Variants in TMTC2 observed in about 807,000 individuals in gnomAD.
TMTC2 encodes protein O-mannosyl-transferase TMTC2.
A neutral mutation model predicts 82.4 loss-of-function variants in TMTC2; 43 were observed. The observed-to-expected ratio is 0.52, with a 90% confidence interval of 0.41 to 0.67. TMTC2 has a LOEUF of 0.67. Ranked by LOEUF, TMTC2 falls within the 30% of genes least tolerant of loss-of-function variation. The probability of loss-of-function intolerance (pLI) is 0.00; values close to 1 mark genes in which losing one functional copy is unlikely to be tolerated. For missense variants in TMTC2, 919 were observed against 1,012.4 expected (o/e 0.91, Z 1.25); for synonymous variants, 408 against 381.9 (o/e 1.07, Z -0.80).
In TMTC2 at chr12:83,076,713, T is replaced by C. The variant is rs560137388; in HGVS notation, c.2331+14882T>C. 6.6e-5 allele frequency among the ~76,000 whole-genome samples: 10 copies of C among 152,358 alleles called. No individual in the cohort carries two copies. In the South Asian group the frequency reaches 2.1e-3, roughly 32 times the overall value. On this transcript the variant is annotated intron_variant, in intron 11 of 11. Transcript: ENST00000321196. ...ATTATTTTACAGGTATTTATGCTTT[T>C]CTAAATATACACTGAAACATTAAAC...
intron 8 of TMTC2, among the ~76,000 whole-genome samples, chr12:83,006,055 C>T (rs925666076): frequency 1.3e-5 from 2 of 152,188 alleles, no homozygotes; most frequent in African/African-American, 4.8e-5. Context: ...CCTACCAGCT[C>T]AACTGTCTGT....
In TMTC2 at chr12:82,801,785, C is replaced by T. The variant is rs559476944; in HGVS notation, c.84-55225C>T. On this transcript the variant is annotated intron_variant, in intron 1 of 11. Transcript: ENST00000321196. ...TAGACATAAAGATCCTCCAAGTCCC[C>T]ACCAGATTAGCTAGATACGGAGTGT... is the stretch of plus-strand genomic sequence containing the variant. Among the ~76,000 whole-genome samples the T allele has an allele frequency of 6.6e-5, 10 of 152,264 alleles. No individual in the cohort carries two copies. In the South Asian group the frequency reaches 2.1e-3, roughly 32 times the overall value.
At chr12:82,797,558 A>T (rs7307968) in intron 1 of TMTC2, among the ~76,000 whole-genome samples, 55,634 of 151,974 alleles carry the variant, frequency 0.37, 10,680 homozygotes, top group Middle Eastern at 0.55. Context: ...CCGTGTATAA[A>T]AAGGTCTAGG....
In TMTC2 at chr12:82,989,753, C is replaced by CT. The variant is rs10715720; in HGVS notation, c.2070+3719dup. Among the ~76,000 whole-genome samples the CT allele has an allele frequency of 1.3e-3, 186 of 141,910 alleles. 1 individual carries two copies. The highest frequency in any genetic ancestry group is 4.5e-3 in the East Asian group (22 of 4,864). 93.1% of individuals were successfully genotyped at this position (141,910 alleles called of 152,430 possible). ...AGGCTGTTTTATTCTTTTCAGGAGGCTTTTTTTTTTTTCAGATTTAGAAGT... is the reference window on the plus strand; with the variant it reads ...AGGCTGTTTTATTCTTTTCAGGAGGCTTTTTTTTTTTTTCAGATTTAGAAGT... On this transcript the variant is annotated intron_variant, in intron 8 of 11. Transcript: ENST00000321196.
At chr12:82,858,463 G>A (rs1392575901) in intron 2 of TMTC2, among the ~76,000 whole-genome samples, 1 of 152,162 alleles carries the variant, frequency 6.6e-6, no homozygotes, top group African/African-American at 2.4e-5. Flanking sequence ...GCAGGCTCCC[G>A]CCTATCTTTT....
At chr12:82,988,617 C>T (rs1182747249) in intron 8 of TMTC2, among the ~76,000 whole-genome samples, 1 of 151,720 alleles carries the variant, frequency 6.6e-6, no homozygotes, top group Non-Finnish European at 1.5e-5. Context: ...AGGGTCTTCC[C>T]ATGGAGTACT....
chr12:82,918,082 T>A (rs1439970748), intron 3 of TMTC2, among the ~76,000 whole-genome samples: 2 of 152,126 alleles, frequency 1.3e-5, no homozygotes, highest in African/African-American at 4.8e-5. Flanking sequence ...CATGTCTGGC[T>A]AAGTTTTGTA....
chr12:82,899,636 A>AAT (rs531889616), intron 3 of TMTC2, among the ~76,000 whole-genome samples: 13 of 131,326 alleles, frequency 9.9e-5, no homozygotes, highest in Admixed American at 1.5e-4. Context: ...ATATATGTGG[A>AAT]ATATATATAT....
rs199680103 is a variant in TMTC2 at position 82,944,287 on chromosome 12, G to GA, written c.1598+13748dup. On this transcript the variant is annotated intron_variant, in intron 4 of 11. Transcript: ENST00000321196. ...ATACCGATATTTAAGGAGATCGATA[G>GA]AAAAAATAGAACCCTGGCTGGGCAT... 8.3e-3 allele frequency among the ~76,000 whole-genome samples: 1,265 copies of GA among 152,150 alleles called. 21 individuals carry two copies. The highest frequency in any genetic ancestry group is 0.029 in the African/African-American group (1,196 of 41,534).
intron 11 of TMTC2, among the ~76,000 whole-genome samples, chr12:83,094,440 A>C (rs2137524147): frequency 6.6e-6 from 1 of 152,340 alleles, no homozygotes; most frequent in South Asian, 2.1e-4. Flanking sequence ...AAGAGGCTAA[A>C]CCATGCAAAT....
intron 1 of TMTC2, among the ~76,000 whole-genome samples, chr12:82,716,553 G>A (rs1233902279): frequency 6.6e-6 from 1 of 151,820 alleles, no homozygotes; most frequent in Non-Finnish European, 1.5e-5. Context: ...TAGTAGAGAC[G>A]GGGTTTCACC....
intron 11 of TMTC2, among the ~76,000 whole-genome samples, chr12:83,083,021 A>C (rs187153406): frequency 6.6e-6 from 1 of 152,332 alleles, no homozygotes; most frequent in Non-Finnish European, 1.5e-5. Context: ...TGCCTGCTGC[A>C]TAACATTCCT....
intron 1 of TMTC2, among the ~76,000 whole-genome samples, chr12:82,749,822 C>T (rs1190985555): frequency 6.8e-6 from 1 of 148,124 alleles, no homozygotes; most frequent in Admixed American, 6.9e-5. Flanking sequence ...ACTGCAACCT[C>T]CGCCTCCCGG....
At chr12:82,831,838 C>A (rs1389019557) in intron 1 of TMTC2, among the ~76,000 whole-genome samples, 3 of 152,166 alleles carry the variant, frequency 2.0e-5, no homozygotes, top group Non-Finnish European at 2.9e-5. Context: ...TATGTACATT[C>A]CTTTTCAAAG....
chr12:83,019,674 C>T (rs1241153303), intron 8 of TMTC2, among the ~76,000 whole-genome samples: 1 of 152,204 alleles, frequency 6.6e-6, no homozygotes, highest in Non-Finnish European at 1.5e-5. Context: ...ACCCTTGCTA[C>T]TCCATCCACC....
At chr12:83,097,436 A>C (rs1194748390) in intron 11 of TMTC2, among the ~76,000 whole-genome samples, 1 of 152,154 alleles carries the variant, frequency 6.6e-6, no homozygotes, top group African/African-American at 2.4e-5. Flanking sequence ...CCTTGGGCTC[A>C]CAACTGCTTC....
intron 1 of TMTC2, among the ~76,000 whole-genome samples, chr12:82,705,164 A>C (rs1466028958): frequency 6.6e-6 from 1 of 152,234 alleles, no homozygotes; most frequent in East Asian, 1.9e-4. Flanking sequence ...TAAGAATGAC[A>C]CAATGGACTT....
At chr12:83,099,370 A>G (rs1193483846) in intron 11 of TMTC2, among the ~76,000 whole-genome samples, 3 of 152,334 alleles carry the variant, frequency 2.0e-5, no homozygotes, top group Non-Finnish European at 4.4e-5. Flanking sequence ...TGTATAATAA[A>G]ATTCTTACTG....
chr12:82,744,585 A>AAAAAAAAAG (rs1875589557), intron 1 of TMTC2, among the ~76,000 whole-genome samples: 1 of 151,766 alleles, frequency 6.6e-6, no homozygotes, highest in African/African-American at 2.4e-5. Context: ...TGACTCTAAA[A>AAAAAAAAAG]AAAAAAAAAA....
Sources: gnomAD v4.1 joint callset for allele counts (sites outside exome capture counted in the v4.1 genomes callset) on GRCh38, gnomAD v4.1.1 for gene constraint, MANE v1.5 for transcripts, NCBI Gene and HGNC (gene_info 2026-07-23, HGNC 2026-07-21) for gene names.